Variants in LEKR1 observed in about 807,000 individuals in gnomAD.
LEKR1 encodes the protein leucine, glutamate and lysine rich 1.
LEKR1 carries 59 observed loss-of-function variants against 72.4 expected under a neutral mutation model. The ratio of observed to expected loss-of-function variants is 0.82; its 90% CI spans 0.66 to 1.01. LEKR1 has a LOEUF of 1.01. Ranked by LOEUF, LEKR1 falls within the 50% of genes least tolerant of loss-of-function variation. The pLI is 0.00. For missense variants in LEKR1, 728 were observed against 759.2 expected (o/e 0.96, Z 0.48); for synonymous variants, 257 against 263.2 (o/e 0.98, Z 0.23).
intron 4 of LEKR1, chr3:156,924,413 T>C: frequency 5.2e-6 from 3 of 571,710 alleles, no homozygotes; most frequent in Non-Finnish European, 6.2e-6. Flanking sequence ...TCCCAGTGGC[T>C]TATCTTTTTA....
chr3:156,947,176 CTTTAAGATGCATTG>C (rs1187110003), intron 6 of LEKR1, among the ~76,000 whole-genome samples: 1 of 150,908 alleles, frequency 6.6e-6, no homozygotes, highest in Non-Finnish European at 1.5e-5. Flanking sequence ...TTTTCTCTTG[CTTTAAGATGCATTG>C]TTATGTTGAT....
At chr3:156,855,322 A>AT (rs1715926443) in intron 3 of LEKR1, among the ~76,000 whole-genome samples, 1 of 151,986 alleles carries the variant, frequency 6.6e-6, no homozygotes, top group Non-Finnish European at 1.5e-5. Flanking sequence ...GTTTTTCTTA[A>AT]TTTTTTTCAA....
intron 7 of LEKR1, among the ~76,000 whole-genome samples, chr3:156,987,717 C>T (rs116791480): frequency 3.9e-4 from 59 of 152,228 alleles, no homozygotes; most frequent in African/African-American, 1.3e-3. Context: ...ACATATAAGA[C>T]ACCTACATGT....
At chr3:156,853,101 C>A in intron 3 of LEKR1, 119 bp downstream of exon 3, 1 of 445,610 alleles carries the variant, frequency 2.2e-6, no homozygotes, top group Non-Finnish European at 3.8e-6. Flanking sequence ...TACTTTAATG[C>A]ATTTGTTTCT....
At chr3:157,001,316 T>G (rs1186555441) in intron 9 of LEKR1, among the ~76,000 whole-genome samples, 1 of 152,230 alleles carries the variant, frequency 6.6e-6, no homozygotes, top group African/African-American at 2.4e-5. Context: ...AAGCTTCTTA[T>G]GTTATCACAC....
chr3:156,883,016 G>T (rs534811775), intron 3 of LEKR1, among the ~76,000 whole-genome samples: 6,918 of 151,952 alleles, frequency 0.046, 577 homozygotes, highest in African/African-American at 0.16. Context: ...TTGGGGGGAG[G>T]GGGGAGAGAT....
rs1560081170 is a variant in LEKR1 at position 156,920,693 on chromosome 3, AG to A, written c.383+1del. On this transcript the variant is annotated frameshift_variant and splice_region_variant, in exon 4 of 13. Transcript: ENST00000356539. LOFTEE classifies it high-confidence loss of function. ...TAAATATAGACAATCATACATCTTC[AG>A]GTAAGATTAAAGAACTGAAAATTAT... ...KIKYRQSYIF[S>X]QRLSEYKYFW... The A allele has an allele frequency of 7.3e-7, 1 of 1,366,846 alleles. No individual in the cohort carries two copies. The highest frequency in any genetic ancestry group is 2.4e-5 in the Admixed American group (1 of 40,974). 84.7% of individuals were successfully genotyped at this position (1,366,846 alleles called of 1,614,324 possible).
At chr3:156,947,770 T>G (rs1726814052) in intron 6 of LEKR1, among the ~76,000 whole-genome samples, 2 of 151,212 alleles carry the variant, frequency 1.3e-5, no homozygotes, top group South Asian at 2.1e-4. Context: ...GACGCACCAT[T>G]AATATTACAT....
chr3:156,843,080 A>G (rs923241891), intron 2 of LEKR1, among the ~76,000 whole-genome samples: 2 of 152,202 alleles, frequency 1.3e-5, no homozygotes, highest in Admixed American at 1.3e-4. Context: ...CAGACTTACT[A>G]GCATTTTCAT....
chr3:156,853,004 T>C (rs1225318261), intron 3 of LEKR1, 22 bp downstream of exon 3: 4 of 1,465,266 alleles, frequency 2.7e-6, no homozygotes, highest in Non-Finnish European at 3.7e-6. Context: ...TTTTCTTTTC[T>C]ATCATTTATT....
intron 12 of LEKR1, among the ~76,000 whole-genome samples, chr3:157,034,092 C>T (rs1734806131): frequency 6.6e-6 from 1 of 151,656 alleles, no homozygotes; most frequent in Admixed American, 6.6e-5. Context: ...TTCTCATTGA[C>T]AATGCATCTG....
chr3:156,980,631 T>C (rs576812794), intron 7 of LEKR1, among the ~76,000 whole-genome samples: 1 of 152,098 alleles, frequency 6.6e-6, no homozygotes, highest in Admixed American at 6.5e-5. Flanking sequence ...GCCATGTGGA[T>C]ATCTCTTGTG....
rs547939580 is a variant in LEKR1, at chr3:156,857,068, T to A, written c.263+4086T>A. Among the ~76,000 whole-genome samples, 3 of 152,268 alleles carry A rather than the reference T, an allele frequency of 2.0e-5. No homozygotes were observed. In the East Asian group the frequency reaches 5.8e-4, roughly 29 times the overall value. ...ATAGGTTTCTTAAAGATACCTTTTA[T>A]CAATTTAAGGAATTCTTCCTTTTAT... On this transcript the variant is annotated intron_variant, in intron 3 of 12. Coordinates refer to ENST00000356539, the MANE Select transcript of LEKR1 (RefSeq NM_001004316.3).
At position 156,905,227 on chromosome 3, in the gene LEKR1, C is replaced by G. The variant is rs193016973; in HGVS notation, c.264-15348C>G. On this transcript the variant is annotated intron_variant, in intron 3 of 12. Transcript: ENST00000356539. ...ATCCTTAACTCAATAGGGCAAGCACCCTTAAGAAGGAGTCAAGCTATAAAG... is the reference window on the plus strand; with the variant it reads ...ATCCTTAACTCAATAGGGCAAGCACGCTTAAGAAGGAGTCAAGCTATAAAG... Among the ~76,000 whole-genome samples the G allele has an allele frequency of 4.8e-3, 729 of 152,068 alleles. 7 individuals carry two copies. Among genetic ancestry groups the G allele is most frequent in the African/African-American group, 0.017 (703 of 41,466 alleles).
At chr3:157,044,484 C>T (rs527367386) in intron 12 of LEKR1, among the ~76,000 whole-genome samples, 31 of 152,324 alleles carry the variant, frequency 2.0e-4, no homozygotes, top group Non-Finnish European at 4.1e-4. Flanking sequence ...AAATTTGCTT[C>T]AGTACATCCC....
At position 157,028,086 on chromosome 3, in the gene LEKR1, TG is replaced by T; in HGVS notation, c.1369-16del. 6.6e-7 allele frequency: 1 copy of T among 1,511,864 alleles called. No individual in the cohort carries two copies. The highest frequency in any genetic ancestry group is 1.4e-5 in the African/African-American group (1 of 71,472). 93.7% of individuals were successfully genotyped at this position (1,511,864 alleles called of 1,614,324 possible). A position where few individuals can be genotyped will look rare whatever the true frequency, so the allele number is the denominator to read the frequency against. On this transcript the variant is annotated splice_polypyrimidine_tract_variant and intron_variant, in intron 11 of 12. Transcript: ENST00000356539. ...AGAAACTATCGCCTACAAGCTAATA[TG>T]AGATTTATCTTACAGATATCTGACT...
intron 3 of LEKR1, among the ~76,000 whole-genome samples, chr3:156,885,155 T>C (rs1719918104): frequency 6.6e-6 from 1 of 152,176 alleles, no homozygotes; most frequent in African/African-American, 2.4e-5. Flanking sequence ...TTATGATACC[T>C]ATTTCTCTGG....
At chr3:156,943,744 G>C (rs1408735606) in intron 6 of LEKR1, among the ~76,000 whole-genome samples, 2 of 151,844 alleles carry the variant, frequency 1.3e-5, no homozygotes, top group Non-Finnish European at 2.9e-5. Flanking sequence ...CTGTGTTTGG[G>C]AGTCTTTAAT....
intron 3 of LEKR1, among the ~76,000 whole-genome samples, chr3:156,910,513 AC>A (rs1443670812): frequency 1.3e-5 from 2 of 152,174 alleles, no homozygotes; most frequent in Admixed American, 1.3e-4. Flanking sequence ...TGTGGTCAGC[AC>A]CTGAGTAACG....
Sources: allele counts gnomAD v4.1 joint callset (sites outside exome capture counted in the v4.1 genomes callset), GRCh38; gene constraint gnomAD v4.1.1; transcripts MANE v1.5; gene names NCBI Gene and HGNC (gene_info 2026-07-23, HGNC 2026-07-21).